The following PLEC variants were observed in gnomAD, a reference collection of about 807,000 sequenced individuals.
PLEC encodes plectin.
A neutral mutation model predicts 392.8 loss-of-function variants in PLEC; 216 were observed. The observed-to-expected ratio is 0.55, with a 90% confidence interval of 0.49 to 0.62. The LOEUF (loss-of-function observed/expected upper bound fraction) is 0.62. Ranked by LOEUF, PLEC falls within the 20% of genes least tolerant of loss-of-function variation. The pLI is 0.00. For missense variants in PLEC, 6,863 were observed against 6,563.4 expected, an observed-to-expected ratio of 1.05 and a Z score of -1.58; for synonymous variants, 3,621 against 2,980.6, an observed-to-expected ratio of 1.21 and a Z score of -7.00.
upstream of PLEC, among the ~76,000 whole-genome samples, chr8:143,952,048 C>A (rs1564212955): frequency 6.6e-6 from 1 of 152,158 alleles, no homozygotes; most frequent in African/African-American, 2.4e-5. Context: ...ATAAATAGGG[C>A]GGTGGGGGGG....
chr8:143,940,576 T>C (rs1484657095), upstream of PLEC, among the ~76,000 whole-genome samples: 1 of 152,150 alleles, frequency 6.6e-6, no homozygotes, highest in Non-Finnish European at 1.5e-5. Flanking sequence ...GAGCTGCCTC[T>C]GGCCAGCTTC....
intron 1 of PLEC, among the ~76,000 whole-genome samples, chr8:143,961,002 C>T (rs1331900830): frequency 6.6e-6 from 1 of 152,252 alleles, no homozygotes; most frequent in Non-Finnish European, 1.5e-5. Context: ...CAGAGCGGCA[C>T]GTGTGGGCCC....
Position 143,950,104 on chromosome 8 carries a change from A to AGCCCAG in PLEC, c.523+74_523+79dup, listed in dbSNP as rs1317786248. The AGCCCAG allele has an allele frequency of 4.2e-6, 6 of 1,443,600 alleles. No homozygotes were observed. The South Asian group carries it at 5.9e-5, about 14-fold the overall frequency. 89.4% of individuals were successfully genotyped at this position (1,443,600 alleles called of 1,614,324 possible). On this transcript the variant is annotated intron_variant, in intron 1 of 31. Transcript: ENST00000322810. ...GCCGGCTGACCACTCCAACCACTCC[A>AGCCCAG]GCCCAGGCCCAGGCCCAAGACCCGA...
intron 1 of PLEC, among the ~76,000 whole-genome samples, chr8:143,964,460 G>A (rs1358481599): frequency 6.6e-6 from 1 of 152,156 alleles, no homozygotes; most frequent in Non-Finnish European, 1.5e-5. Flanking sequence ...GATGGAGGCC[G>A]ACACTGGAGT....
rs1827939862 is a variant in PLEC, at chr8:143,933,233, T to A, written c.1382A>T (p.Asp461Val). The change falls in exon 13 of 32, where the codon GAT becomes GTT. Residue 461 changes from aspartate to valine, a missense_variant. Coordinates refer to ENST00000345136, the MANE Select transcript of PLEC (RefSeq NM_201384.3). ...LLFNDVQTLK[D>V]GRHPQGEQMY... ...CTGCTCGCCCTGCGGGTGCCGTCCA[T>A]CCTTGAGGGTCTGCACGTCGTTGAA... is the stretch of plus-strand genomic sequence containing the variant. 1 of 1,613,004 alleles carries A rather than the reference T, an allele frequency of 6.2e-7. No homozygotes were observed.
chr8:143,921,912 C>T lies in PLEC; in HGVS notation c.7909G>A (p.Ala2637Thr), dbSNP rs782010111. The change falls in exon 32 of 32, where the codon GCG becomes ACG. Residue 2637 changes from alanine (A) to threonine (T), a missense_variant. Coordinates refer to ENST00000345136, the MANE Select transcript of PLEC (RefSeq NM_201384.3). ...PNGRDALDGP[A>T]AEAEPEHSFD... ...CTGTGCTCCGGCTCTGCCTCTGCCG[C>T]GGGGCCATCAAGTGCATCCCGGCCA... 1.9e-5 allele frequency: 30 copies of T among 1,599,744 alleles called. No homozygotes were observed. The highest frequency in any genetic ancestry group is 3.3e-5 in the Admixed American group (2 of 59,970).
intron 1 of PLEC, chr8:143,944,663 T>A: frequency 7.5e-7 from 1 of 1,340,860 alleles, no homozygotes; most frequent in Non-Finnish European, 9.6e-7. Context: ...ACGATCTTCA[T>A]CGGGGACGGT....
intron 25 of PLEC, among the ~76,000 whole-genome samples, chr8:143,928,592 G>A (rs1031344131): frequency 4.8e-5 from 5 of 104,776 alleles, no homozygotes; most frequent in East Asian, 2.2e-4. Flanking sequence ...AGTAGACAGC[G>A]GGTGGACCTG....
chr8:143,923,515 C>T lies in PLEC; in HGVS notation c.6414G>A (p.Leu2138=), dbSNP rs781795863. ...CCGCCTCTTGCTCGGCCTCCTTGCG[C>T]AGCTTCTCTGCAGCCGCCTGTGCCT... The part of the protein sequence containing the change: ...RAQAQAAAEK[L]RKEAEQEAAR... Residue 2138 remains leucine, a synonymous_variant, in exon 31 of 32, where the codon CTG becomes CTA. Transcript: ENST00000345136. 1.1e-5 allele frequency: 17 copies of T among 1,596,690 alleles called. No individual in the cohort carries two copies. In the South Asian group the frequency reaches 1.8e-4, roughly 17 times the overall value.
At chr8:143,928,330 C>T (rs1825970451) in intron 25 of PLEC, among the ~76,000 whole-genome samples, 1 of 152,274 alleles carries the variant, frequency 6.6e-6, no homozygotes, top group Non-Finnish European at 1.5e-5. Flanking sequence ...GCGTAGTTCT[C>T]AGCCCTTGCA....
intron 25 of PLEC, among the ~76,000 whole-genome samples, chr8:143,928,367 G>A (rs1488238688): frequency 2.0e-5 from 3 of 152,394 alleles, no homozygotes; most frequent in East Asian, 1.9e-4. Context: ...AGGGGACACC[G>A]GGGTGGAAAT....
In PLEC at chr8:143,932,910, A is replaced by G; in HGVS notation, c.1620T>C (p.Asp540=). 1 of 1,612,562 alleles carries G rather than the reference A, an allele frequency of 6.2e-7. No homozygotes were observed. The highest frequency in any genetic ancestry group is 1.1e-5 in the South Asian group (1 of 91,068). ...GCAGGTCCACACCCCACTCAGCGCCATCCACACGGTGCTGGTTCTCCTCCA... is the reference window on the plus strand; with the variant it reads ...GCAGGTCCACACCCCACTCAGCGCCGTCCACACGGTGCTGGTTCTCCTCCA... The part of the protein sequence containing the change: ...AWVEENQHRV[D]GAEWGVDLPS... The change falls in exon 14 of 32, where the codon GAT becomes GAC. Residue 540 remains aspartate, a synonymous_variant. Coordinates refer to ENST00000345136, the MANE Select transcript of PLEC (RefSeq NM_201384.3).
chr8:143,946,504 G>T, intron 1 of PLEC: 1 of 768,878 alleles, frequency 1.3e-6, no homozygotes, highest in Non-Finnish European at 1.9e-6. Context: ...TGGTAGCAGC[G>T]GCTCCTCCTC....
rs1219016065 is a variant in PLEC, at chr8:143,969,223, A to G, written c.70+4180T>C. Among the ~76,000 whole-genome samples, 2 of 152,214 alleles carry G rather than the reference A, an allele frequency of 1.3e-5. No individual in the cohort carries two copies. Among genetic ancestry groups the G allele is most frequent in the African/African-American group, 4.8e-5 (2 of 41,452 alleles). ...GCGCGGCGATGTGAGCAGCCCTGAC[A>G]GCGTCCCGGCAAGTCGAAGAGGCCA... On this transcript the variant is annotated intron_variant, in intron 1 of 31. Transcript: ENST00000356346. This position sits in a 1 kb window ranked among gnomAD's most constrained non-coding sequence, Gnocchi z 5.1.
chr8:143,921,854 T>C lies in PLEC; in HGVS notation c.7967A>G (p.Gln2656Arg). The change falls in exon 32 of 32, where the codon CAG becomes CGG. Residue 2656 changes from glutamine (Q) to arginine (R), a missense_variant. Physicochemically the swap from Gln to Arg is conservative, Grantham distance 43. Coordinates refer to ENST00000345136, the MANE Select transcript of PLEC (RefSeq NM_201384.3). ...FDGLRRKVSA[Q>R]RLQEAGILSA... ...CAGGATGCCGGCCTCCTGCAGCCTC[T>C]GAGCTGACACCTTCCGCCGCAGGCC... 3 of 1,604,736 alleles carry C rather than the reference T, an allele frequency of 1.9e-6. No homozygotes were observed. Among genetic ancestry groups the C allele is most frequent in the Non-Finnish European group, 1.7e-6 (2 of 1,179,754 alleles).
At chr8:143,926,627 G>A (rs1393948272) in intron 30 of PLEC, among the ~76,000 whole-genome samples, 157 bp downstream of exon 30, 1 of 152,128 alleles carries the variant, frequency 6.6e-6, no homozygotes, top group Non-Finnish European at 1.5e-5. Flanking sequence ...GGCAGCCTGG[G>A]GCAGGCTGAG....
At chr8:143,928,126 T>A in intron 25 of PLEC, 134 bp from the exon 26 acceptor site, 1 of 1,068,738 alleles carries the variant, frequency 9.4e-7, no homozygotes, top group Non-Finnish European at 1.3e-6. Flanking sequence ...GCTGACCCTG[T>A]GGTCAGAGGC....
At position 143,920,417 on chromosome 8, in the gene PLEC, T is replaced by C. The variant is rs782160395; in HGVS notation, c.9404A>G (p.Asp3135Gly). ...IPREQGLRLL[D>G]AQLSTGGIVD... is the part of the protein sequence containing the mutation. ...GATGCCGCCCGTGGACAGCTGGGCG[T>C]CCAACAGGCGCAGGCCCTGCTCCCG... Residue 3135 changes from aspartate (D) to glycine (G), a missense_variant, in exon 32 of 32, where the codon GAC (aspartate) becomes GGC (glycine). Transcript: ENST00000345136. 9.4e-6 allele frequency: 15 copies of C among 1,594,642 alleles called. No homozygotes were observed. In the African/African-American group the frequency reaches 1.1e-4, roughly 11 times the overall value.
chr8:143,940,884 C>T (rs1390631858), upstream of PLEC, among the ~76,000 whole-genome samples: 1 of 152,214 alleles, frequency 6.6e-6, no homozygotes, highest in African/African-American at 2.4e-5. Context: ...AACGAAGACA[C>T]CCCTTGGTCT....
Sources: allele counts gnomAD v4.1 joint callset (sites outside exome capture counted in the v4.1 genomes callset), GRCh38; gene constraint gnomAD v4.1.1; non-coding constraint Gnocchi (gnomAD v3.1); transcripts MANE v1.5; gene names NCBI Gene and HGNC (gene_info 2026-07-23, HGNC 2026-07-21).